Variants in PRELID2 observed in about 807,000 individuals in gnomAD.
PRELID2 encodes PRELI domain containing 2.
A neutral mutation model predicts 28.4 loss-of-function variants in PRELID2; 25 were observed. That is an observed-to-expected ratio of 0.88 (90% CI 0.64 to 1.23). The LOEUF (loss-of-function observed/expected upper bound fraction) is 1.23. Among genes scored for constraint, PRELID2 ranks in the 50% most tolerant of loss-of-function variants. The pLI is 0.00. For synonymous variants in PRELID2, 76 were observed against 71.6 expected (o/e 1.06, Z -0.31); for missense variants, 201 against 214.4 (o/e 0.94, Z 0.39).
chr5:145,294,241 ATTAT>A, the PRELID2 span, among the ~76,000 whole-genome samples: 1 of 152,184 alleles, frequency 6.6e-6, no homozygotes, highest in Non-Finnish European at 1.5e-5. Flanking sequence ...CATTATTATT[ATTAT>A]TTATTTAGCA....
the PRELID2 span, among the ~76,000 whole-genome samples, chr5:145,405,637 G>A: frequency 6.6e-6 from 1 of 151,574 alleles, no homozygotes; most frequent in Middle Eastern, 3.4e-3. Context: ...AGTGAAGAGG[G>A]AGCAGGCATG....
the PRELID2 span, among the ~76,000 whole-genome samples, chr5:145,269,897 CACAT>C: frequency 1.3e-5 from 2 of 148,340 alleles, no homozygotes; most frequent in African/African-American, 2.5e-5. Context: ...TGTATACACA[CACAT>C]ACATACATAC....
At chr5:145,426,585 C>T in the PRELID2 span, among the ~76,000 whole-genome samples, 1 of 152,080 alleles carries the variant, frequency 6.6e-6, no homozygotes, top group Non-Finnish European at 1.5e-5. Context: ...TGGTACATTG[C>T]CTATATGTCA....
At chr5:145,749,083 A>C (rs1757065825) in intron 1 of PRELID2, among the ~76,000 whole-genome samples, 1 of 152,192 alleles carries the variant, frequency 6.6e-6, no homozygotes, top group Admixed American at 6.6e-5. Flanking sequence ...TTCATGACAA[A>C]AACAGCAAAA....
At chr5:145,446,905 G>A in the PRELID2 span, among the ~76,000 whole-genome samples, 3,109 of 151,810 alleles carry the variant, frequency 0.02, 107 homozygotes, top group African/African-American at 0.071. Flanking sequence ...AATTAGCTAG[G>A]CATGGTGGTG....
At chr5:145,770,593 G>C (rs946940476) in intron 5 of PRELID2, among the ~76,000 whole-genome samples, 2 of 152,182 alleles carry the variant, frequency 1.3e-5, no homozygotes, top group African/African-American at 4.8e-5. Context: ...GCAGATGACA[G>C]CTCCATGTTA....
intron 1 of PRELID2, among the ~76,000 whole-genome samples, chr5:145,582,662 A>G (rs1417731373): frequency 1.3e-5 from 2 of 152,138 alleles, no homozygotes; most frequent in Non-Finnish European, 1.5e-5. Flanking sequence ...AGAATACTAT[A>G]AACACCTCTA....
chr5:145,319,680 AAAATAAATAAATAAATAAAT>A, the PRELID2 span, among the ~76,000 whole-genome samples: 111 of 144,652 alleles, frequency 7.7e-4, no homozygotes, highest in Middle Eastern at 7.0e-3. Flanking sequence ...CTCCATCTCA[AAAATAAATAAATAAATAAAT>A]AAATAAATAA....
chr5:145,660,141 G>T (rs1007788980), intron 1 of PRELID2, among the ~76,000 whole-genome samples: 1 of 152,166 alleles, frequency 6.6e-6, no homozygotes, highest in African/African-American at 2.4e-5. Flanking sequence ...TTTTGCCTAA[G>T]GATTCATAGT....
chr5:145,331,870 G>C, the PRELID2 span, among the ~76,000 whole-genome samples: 1 of 152,068 alleles, frequency 6.6e-6, no homozygotes, highest in Admixed American at 6.6e-5. Context: ...AGTGTTGATG[G>C]TCTTTACAAT....
At chr5:145,427,327 C>A in the PRELID2 span, among the ~76,000 whole-genome samples, 4 of 152,178 alleles carry the variant, frequency 2.6e-5, no homozygotes, top group Non-Finnish European at 5.9e-5. Context: ...AGTGTGTTAC[C>A]AAAAGAGCCC....
intron 1 of PRELID2, among the ~76,000 whole-genome samples, chr5:145,610,305 C>A (rs1177492727): frequency 6.6e-6 from 1 of 152,172 alleles, no homozygotes; most frequent in Non-Finnish European, 1.5e-5. Context: ...TGGATCCCAA[C>A]ATGGTTTCTT....
chr5:145,487,047 C>T (rs1752224097), intron 1 of PRELID2, among the ~76,000 whole-genome samples: 1 of 137,042 alleles, frequency 7.3e-6, no homozygotes, highest in Admixed American at 8.1e-5. Flanking sequence ...ACAATGAGAT[C>T]ACATGGACAC....
intron 1 of PRELID2, among the ~76,000 whole-genome samples, chr5:145,569,467 G>C (rs1285273004): frequency 6.6e-6 from 1 of 152,114 alleles, no homozygotes; most frequent in Non-Finnish European, 1.5e-5. Flanking sequence ...GGTCCATGAA[G>C]ATAGAGGCTT....
At chr5:145,777,960 G>A (rs1366334462) in intron 5 of PRELID2, among the ~76,000 whole-genome samples, 6 of 152,198 alleles carry the variant, frequency 3.9e-5, no homozygotes, top group Non-Finnish European at 7.4e-5. Context: ...GGCAGCAGGA[G>A]GCAGACAGGT....
chr5:145,762,248 T>C (rs1757509729), intron 6 of PRELID2, among the ~76,000 whole-genome samples: 2 of 152,170 alleles, frequency 1.3e-5, no homozygotes, highest in African/African-American at 4.8e-5. Flanking sequence ...GGAGAGTAAG[T>C]TGCTTTTCAC....
intron 1 of PRELID2, among the ~76,000 whole-genome samples, chr5:145,646,085 C>T (rs1754191599): frequency 6.6e-6 from 1 of 152,200 alleles, no homozygotes; most frequent in Non-Finnish European, 1.5e-5. Flanking sequence ...GCCTGTCTTG[C>T]TAGGTTGGGG....
At chr5:145,598,743 A>G (rs1753346715) in intron 1 of PRELID2, among the ~76,000 whole-genome samples, 1 of 152,186 alleles carries the variant, frequency 6.6e-6, no homozygotes, top group Non-Finnish European at 1.5e-5. Context: ...AAAGAGCCAC[A>G]TTCCAGTGAG....
chr5:145,377,180 C>T, the PRELID2 span, among the ~76,000 whole-genome samples: 513 of 152,260 alleles, frequency 3.4e-3, 1 homozygote, highest in Middle Eastern at 6.8e-3. Flanking sequence ...TATTCAATTT[C>T]CATGTAATTG....
Sources: gnomAD v4.1 joint callset for allele counts (sites outside exome capture counted in the v4.1 genomes callset) on GRCh38, gnomAD v4.1.1 for gene constraint, MANE v1.5 for transcripts, NCBI Gene and HGNC (gene_info 2026-07-23, HGNC 2026-07-21) for gene names.